The following HECTD4 variants were observed in gnomAD, a reference collection of about 807,000 sequenced individuals.
The protein encoded by HECTD4 is probable E3 ubiquitin-protein ligase HECTD4.
Under a neutral mutation model 471.5 loss-of-function variants are expected in HECTD4, and 114 were observed. The ratio of observed to expected loss-of-function variants is 0.24; its 90% CI spans 0.21 to 0.28. The LOEUF is 0.28. Among genes scored for constraint, HECTD4 ranks in the 10% least tolerant of loss-of-function variants. The probability of loss-of-function intolerance (pLI) is 1.00; values close to 1 mark genes in which losing one functional copy is unlikely to be tolerated. For synonymous variants in HECTD4, 2,012 were observed against 2,256.0 expected (o/e 0.89, Z 3.07); for missense variants, 3,866 against 5,651.5 (o/e 0.68, Z 10.13).
At chr12:112,374,374 C>A (rs1007553526) in intron 1 of HECTD4, among the ~76,000 whole-genome samples, 2 of 152,160 alleles carry the variant, frequency 1.3e-5, no homozygotes, top group Non-Finnish European at 2.9e-5. Context: ...GGTCATACAG[C>A]AAGCAAGGAG....
intron 62 of HECTD4, among the ~76,000 whole-genome samples, chr12:112,180,443 G>C (rs1026694488): frequency 6.6e-6 from 1 of 151,846 alleles, no homozygotes; most frequent in African/African-American, 2.4e-5. Flanking sequence ...GCTAAGGCAT[G>C]AGAATCACTT....
chr12:112,349,651 T>C (rs2036218732), intron 1 of HECTD4, among the ~76,000 whole-genome samples: 2 of 151,452 alleles, frequency 1.3e-5, no homozygotes, highest in African/African-American at 4.9e-5. Context: ...AAAAAAAAAA[T>C]TGGCACAGAA....
chr12:112,282,988 G>T, intron 8 of HECTD4, 122 bp downstream of exon 8: 1 of 652,546 alleles, frequency 1.5e-6, no homozygotes, highest in South Asian at 4.2e-5. Context: ...ATGACTGGAA[G>T]ACCAAATAAA....
chr12:112,264,995 C>T (rs528733031), intron 16 of HECTD4, among the ~76,000 whole-genome samples, 180 bp downstream of exon 16: 53 of 152,312 alleles, frequency 3.5e-4, no homozygotes, highest in Admixed American at 3.0e-3. Context: ...GAACTCCTGA[C>T]CTCAGGTGAT....
At chr12:112,175,680 G>C in intron 66 of HECTD4, 56 bp downstream of exon 66, 1 of 1,576,240 alleles carries the variant, frequency 6.3e-7, no homozygotes, top group Non-Finnish European at 8.7e-7. Context: ...TTATGCTCTT[G>C]GCTGAAAACA....
Position 112,319,554 on chromosome 12 carries a change from TTCC to T in HECTD4, c.363_365del (p.Glu122del). ...CCTGGCGTTTGAGCAGGGCCAAAGT[TTCC>T]TCATCACCTGAACTTTCCCTTTCAT... On this transcript the variant is annotated inframe_deletion, in exon 2 of 76. Coordinates refer to ENST00000682272, the MANE Select transcript of HECTD4 (RefSeq NM_001388303.1). The surrounding 1 kb of genome is among the most constrained non-coding windows in gnomAD (Gnocchi z 5.3). 6.9e-7 allele frequency: 1 copy of T among 1,439,842 alleles called. No homozygotes were observed. Among genetic ancestry groups the T allele is most frequent in the South Asian group, 1.5e-5 (1 of 67,536 alleles). 89.2% of individuals were successfully genotyped at this position (1,439,842 alleles called of 1,614,324 possible).
intron 29 of HECTD4, among the ~76,000 whole-genome samples, chr12:112,245,970 A>G (rs1183433904): frequency 6.6e-6 from 1 of 151,920 alleles, no homozygotes; most frequent in African/African-American, 2.4e-5. Context: ...TGTCTCTACT[A>G]AAAATACAAA....
chr12:112,308,357 T>C (rs1328468334), intron 6 of HECTD4, among the ~76,000 whole-genome samples: 3 of 151,942 alleles, frequency 2.0e-5, no homozygotes, highest in Non-Finnish European at 4.4e-5. Context: ...CAAAGCTCCC[T>C]TTCCCACAGA....
At chr12:112,220,933 A>C (rs2033076734) in intron 44 of HECTD4, among the ~76,000 whole-genome samples, 2 of 152,166 alleles carry the variant, frequency 1.3e-5, no homozygotes, top group Non-Finnish European at 2.9e-5. Context: ...TGGGAGACAT[A>C]GTGAGACCCC....
chr12:112,305,973 G>T, intron 7 of HECTD4, 91 bp downstream of exon 7: 2 of 1,216,024 alleles, frequency 1.6e-6, no homozygotes, highest in East Asian at 2.5e-5. Context: ...TATACACGCT[G>T]CAAGGTTCTT....
intron 1 of HECTD4, among the ~76,000 whole-genome samples, chr12:112,365,921 T>G (rs984978528): frequency 5.3e-5 from 8 of 151,636 alleles, no homozygotes; most frequent in Non-Finnish European, 1.0e-4. Flanking sequence ...GACTTGGGTG[T>G]ATACCACCAC....
chr12:112,169,838 A>G, intron 69 of HECTD4, 180 bp from the exon 70 acceptor site: 1 of 703,338 alleles, frequency 1.4e-6, no homozygotes, highest in Non-Finnish European at 2.4e-6. Flanking sequence ...CTTAGCACTC[A>G]TGGCTCCCAC....
intron 12 of HECTD4, 81 bp downstream of exon 12, chr12:112,270,146 T>C (rs1566093995): frequency 2.5e-6 from 3 of 1,208,502 alleles, no homozygotes; most frequent in Non-Finnish European, 3.5e-6. Context: ...ATTTTTCTTC[T>C]GGTAAAAATG....
chr12:112,217,314 CACAT>C (rs1236961359), intron 45 of HECTD4, 119 bp from the exon 46 acceptor site: 29 of 551,770 alleles, frequency 5.3e-5, no homozygotes, highest in South Asian at 1.6e-4. Flanking sequence ...CACACACACA[CACAT>C]ACACACACAC....
rs1593889333 is a variant in HECTD4 at position 112,169,634 on chromosome 12, G to C, written c.12077C>G (p.Ser4026Cys). ...CTGCCTGGCAGCCTGACAGAAGTAG[G>C]AGTTTTCAGAAGCTCTGATTTCCCC... is the stretch of plus-strand genomic sequence containing the variant. ...VGGEIRASEN[S>C]YFCQAARQLA... The change falls in exon 70 of 76, where the codon TCC becomes TGC. Residue 4026 changes from serine (S) to cysteine (C), a missense_variant. By Grantham distance (112) the Ser-to-Cys change is moderately radical. Coordinates refer to ENST00000682272, the MANE Select transcript of HECTD4 (RefSeq NM_001388303.1). 1 of 1,613,288 alleles carries C rather than the reference G, an allele frequency of 6.2e-7. No individual in the cohort carries two copies. Among genetic ancestry groups the C allele is most frequent in the East Asian group, 2.2e-5 (1 of 44,886 alleles).
Position 112,176,626 on chromosome 12 carries a change from G to A in HECTD4, c.11440C>T (p.Pro3814Ser). ...PEKSKPDEKD[P>S]EKSPTKKQEV... ...TGTTTTTTGGTAGGTGACTTTTCTG[G>A]GTCCTTTTCATCTGGTTTGCTCTTT... is the stretch of plus-strand genomic sequence containing the variant. Residue 3814 changes from proline (P) to serine (S), a missense_variant, in exon 65 of 76, where the codon CCA (proline) becomes TCA (serine). By Grantham distance (74) the Pro-to-Ser change is moderately conservative (BLOSUM62 -1). Around this residue, in one of 16 missense-constraint regions of HECTD4, gnomAD observed 715 missense variants for 1,087.6 expected, o/e 0.66. Coordinates refer to ENST00000682272, the MANE Select transcript of HECTD4 (RefSeq NM_001388303.1). 1 of 1,613,842 alleles carries A rather than the reference G, an allele frequency of 6.2e-7. No homozygotes were observed. Among genetic ancestry groups the A allele is most frequent in the Non-Finnish European group, 8.5e-7 (1 of 1,179,822 alleles).
intron 29 of HECTD4, 127 bp from the exon 30 acceptor site, chr12:112,244,136 T>A: frequency 1.3e-6 from 1 of 786,074 alleles, no homozygotes; most frequent in Non-Finnish European, 2.0e-6. Flanking sequence ...CCAATCTAGC[T>A]AGCACAGCAT....
At position 112,236,957 on chromosome 12, in the gene HECTD4, T is replaced by C. The variant is rs368060159; in HGVS notation, c.5432A>G (p.Asn1811Ser). The C allele has an allele frequency of 1.2e-6, 2 of 1,611,264 alleles. No homozygotes were observed. The highest frequency in any genetic ancestry group is 1.7e-6 in the Non-Finnish European group (2 of 1,178,640). The change falls in exon 35 of 76, where the codon AAT becomes AGT. Residue 1811 changes from asparagine (N) to serine (S), a missense_variant. By Grantham distance (46) the Asn-to-Ser change is conservative (BLOSUM62 1). Coordinates refer to ENST00000682272, the MANE Select transcript of HECTD4 (RefSeq NM_001388303.1). ...DALQDVLSLL[N>S]DLSRSHIGKA... ...GGACCTTGCATACCTTGAGAGATCA[T>C]TGAGAAGACTAAGGACATCCTGGAG...
chr12:112,297,616 T>C (rs947577622), intron 7 of HECTD4, among the ~76,000 whole-genome samples: 3 of 151,998 alleles, frequency 2.0e-5, no homozygotes, highest in African/African-American at 4.8e-5. Flanking sequence ...AAGACACAGA[T>C]GCCATTATCT....
Sources: allele counts gnomAD v4.1 joint callset (sites outside exome capture counted in the v4.1 genomes callset), GRCh38; gene constraint gnomAD v4.1.1; regional missense constraint gnomAD v4.1.1; non-coding constraint Gnocchi (gnomAD v3.1); transcripts MANE v1.5; gene names NCBI Gene and HGNC (gene_info 2026-07-23, HGNC 2026-07-21).